Variants in KLF8 observed in about 807,000 individuals in gnomAD.
The protein encoded by KLF8 is KLF transcription factor 8, also known as Krueppel-like factor 8.
A neutral mutation model predicts 18.2 loss-of-function variants in KLF8; 10 were observed. The observed-to-expected ratio is 0.55, with a 90% CI of 0.34 to 0.93. KLF8 has a LOEUF of 0.93. KLF8 is among the 40% of genes least tolerant of loss of function. The pLI is 0.02. For missense variants in KLF8, 264 were observed against 277.9 expected, an observed-to-expected ratio of 0.95 and a Z score of 0.36; for synonymous variants, 109 against 97.3, an observed-to-expected ratio of 1.12 and a Z score of -0.71.
chrX:56,048,680 A>G, the KLF8 span, among the ~76,000 whole-genome samples: 5 of 111,712 alleles, frequency 4.5e-5, no homozygotes, highest in African/African-American at 1.3e-4. Context: ...GCCTTGTAGT[A>G]TAGTTTGAAG....
chrX:56,110,551 C>CT, the KLF8 span, among the ~76,000 whole-genome samples: 1 of 111,470 alleles, frequency 9.0e-6, no homozygotes, highest in African/African-American at 3.3e-5. Flanking sequence ...CTAATACTGA[C>CT]TTTTTTGTTT....
the KLF8 span, among the ~76,000 whole-genome samples, chrX:56,035,371 T>G: frequency 8.9e-6 from 1 of 112,397 alleles, no homozygotes; most frequent in Admixed American, 9.4e-5. Context: ...CCATCTGTTC[T>G]TAGACACTTA....
At chrX:56,163,223 A>AT in the KLF8 span, among the ~76,000 whole-genome samples, 31 of 109,872 alleles carry the variant, frequency 2.8e-4, no homozygotes, top group East Asian at 5.7e-4. Context: ...GTGTAGAAGC[A>AT]TTTTTTTTTC....
chrX:55,991,627 A>T, the KLF8 span, among the ~76,000 whole-genome samples: 1 of 111,823 alleles, frequency 8.9e-6, no homozygotes, highest in Non-Finnish European at 1.9e-5. Context: ...AGCTGTTCCT[A>T]TTCAGCCATC....
At chrX:56,269,033 A>C in intron 3 of KLF8, 1 of 891,787 alleles carries the variant, frequency 1.1e-6, no homozygotes, top group Non-Finnish European at 1.4e-6. Flanking sequence ...CACACGTTGA[A>C]ACTAACTTTT....
chrX:55,925,479 C>T, the KLF8 span, among the ~76,000 whole-genome samples: 1 of 111,069 alleles, frequency 9.0e-6, no homozygotes, highest in Non-Finnish European at 1.9e-5. Flanking sequence ...CCATCTGTTG[C>T]ATTTACTACA....
the KLF8 span, among the ~76,000 whole-genome samples, chrX:56,220,678 C>T: frequency 3.6e-5 from 4 of 110,327 alleles, no homozygotes; most frequent in Non-Finnish European, 7.6e-5. Flanking sequence ...TAGTAGAGAC[C>T]GGTTTCACCA....
chrX:56,066,782 A>T, the KLF8 span, among the ~76,000 whole-genome samples: 1 of 110,680 alleles, frequency 9.0e-6, no homozygotes, highest in Non-Finnish European at 1.9e-5. Context: ...GACCTTCCAA[A>T]TGGTGCCTTG....
chrX:56,130,499 CT>C, the KLF8 span, among the ~76,000 whole-genome samples: 1 of 110,275 alleles, frequency 9.1e-6, no homozygotes, highest in African/African-American at 3.3e-5. Flanking sequence ...ACAATGTGAA[CT>C]GCAGCCTTCA....
chrX:56,198,663 C>T, the KLF8 span, among the ~76,000 whole-genome samples: 115 of 111,933 alleles, frequency 1.0e-3, no homozygotes, highest in African/African-American at 3.6e-3. Flanking sequence ...GGCCATACTG[C>T]CCAAAGTAAT....
intron 5 of KLF8, among the ~76,000 whole-genome samples, chrX:56,272,065 G>T (rs1345597007): frequency 1.8e-5 from 2 of 111,467 alleles, no homozygotes; most frequent in Non-Finnish European, 3.8e-5. Flanking sequence ...CCCTAGTGGT[G>T]TAAGCTTCCC....
the KLF8 span, among the ~76,000 whole-genome samples, chrX:56,119,462 G>A: frequency 9.0e-6 from 1 of 110,871 alleles, no homozygotes; most frequent in Admixed American, 9.6e-5. Flanking sequence ...GGAGTGCAGT[G>A]GCGTGATCTT....
chrX:56,057,193 T>A, the KLF8 span, among the ~76,000 whole-genome samples: 1 of 111,792 alleles, frequency 8.9e-6, no homozygotes, highest in South Asian at 3.7e-4. Flanking sequence ...ATTCTTTTTG[T>A]GCCACAGATA....
At chrX:56,019,819 ATAGT>A in the KLF8 span, among the ~76,000 whole-genome samples, 2 of 112,012 alleles carry the variant, frequency 1.8e-5, no homozygotes, top group Admixed American at 1.9e-4. Context: ...AATGTAACAC[ATAGT>A]TAGACAGACT....
chrX:56,044,917 C>T, the KLF8 span, among the ~76,000 whole-genome samples: 12 of 112,346 alleles, frequency 1.1e-4, no homozygotes, highest in Non-Finnish European at 1.1e-4. Context: ...TAATTAAGTC[C>T]AATCTATTTT....
At chrX:55,987,349 C>T in the KLF8 span, among the ~76,000 whole-genome samples, 1 of 110,451 alleles carries the variant, frequency 9.1e-6, no homozygotes, top group Admixed American at 9.6e-5. Flanking sequence ...ATACCTCCCC[C>T]CTCCCCCAAC....
At position 56,239,523 on chromosome X, in the gene KLF8, A is replaced by G. The variant is rs141934217; in HGVS notation, c.7+6182A>G. On this transcript the variant is annotated intron_variant, in intron 1 of 5. Transcript: ENST00000468660. ...CCTAGACTGCAAATTTACTGAGGATAGAGGCCAGAGACCATGAAGTTTTCT... is the reference window on the plus strand; with the variant it reads ...CCTAGACTGCAAATTTACTGAGGATGGAGGCCAGAGACCATGAAGTTTTCT... Among the ~76,000 whole-genome samples the G allele has an allele frequency of 6.7e-3, 754 of 112,240 alleles. 1 individual carries two copies. Among genetic ancestry groups the G allele is most frequent in the Middle Eastern group, 0.014 (3 of 216 alleles).
chrX:55,910,948 C>A, the KLF8 span, among the ~76,000 whole-genome samples: 1 of 111,708 alleles, frequency 9.0e-6, no homozygotes, highest in Non-Finnish European at 1.9e-5. Context: ...GTTAGAGATG[C>A]TGACCCCACA....
At chrX:56,058,134 G>T in the KLF8 span, among the ~76,000 whole-genome samples, 2 of 94,577 alleles carry the variant, frequency 2.1e-5, no homozygotes, top group African/African-American at 8.0e-5. Flanking sequence ...GTCCCTCAGT[G>T]GCAACTGGGT....
Sources: allele counts gnomAD v4.1 joint callset (sites outside exome capture counted in the v4.1 genomes callset), GRCh38; gene constraint gnomAD v4.1.1; transcripts MANE v1.5; gene names NCBI Gene and HGNC (gene_info 2026-07-23, HGNC 2026-07-21).